FAM193A: variants seen among roughly 807,000 people sequenced by gnomAD.
FAM193A encodes family with sequence similarity 193 member A.
Under a neutral mutation model 126.5 loss-of-function variants are expected in FAM193A, and 22 were observed. That is an observed-to-expected ratio of 0.17 (90% CI 0.12 to 0.25). The LOEUF is 0.25. Ranked by LOEUF, FAM193A falls within the 10% of genes least tolerant of loss-of-function variation. FAM193A has a pLI of 1.00. For missense variants in FAM193A, 1,675 were observed against 1,672.8 expected (o/e 1.00, Z -0.02); for synonymous variants, 761 against 646.8 (o/e 1.18, Z -2.68).
At chr4:2,665,703 T>C (rs905705097) in intron 12 of FAM193A, among the ~76,000 whole-genome samples, 3 of 152,124 alleles carry the variant, frequency 2.0e-5, no homozygotes, top group African/African-American at 7.2e-5. Context: ...AAAAAAAAAC[T>C]TTCTGTAGAG....
chr4:2,711,007 T>A (rs79935321), intron 19 of FAM193A, among the ~76,000 whole-genome samples: 1,651 of 150,862 alleles, frequency 0.011, 14 homozygotes, highest in Middle Eastern at 0.021. Context: ...GCCCACCACC[T>A]CGCCCGGCTA....
At chr4:2,538,600 A>T (rs1299619914) in intron 1 of FAM193A, among the ~76,000 whole-genome samples, 3 of 129,760 alleles carry the variant, frequency 2.3e-5, no homozygotes, top group Non-Finnish European at 4.7e-5. Flanking sequence ...AACAGGCCGC[A>T]GTTCTTGGGA....
chr4:2,715,942 G>T, intron 19 of FAM193A, 81 bp from the exon 20 acceptor site: 1 of 855,478 alleles, frequency 1.2e-6, no homozygotes, highest in South Asian at 1.4e-5. Flanking sequence ...TTTAAATTGA[G>T]CGAAGACAAA....
intron 2 of FAM193A, among the ~76,000 whole-genome samples, chr4:2,619,475 T>C (rs1649321454): frequency 6.6e-6 from 1 of 152,006 alleles, no homozygotes; most frequent in Admixed American, 6.6e-5. Context: ...TTTTTGTATT[T>C]TTGTATTTTT....
intron 13 of FAM193A, among the ~76,000 whole-genome samples, chr4:2,683,822 G>A (rs1715431251): frequency 6.6e-6 from 1 of 152,144 alleles, no homozygotes; most frequent in African/African-American, 2.4e-5. Context: ...ACAGGTTTTG[G>A]ATGTTTTGTT....
intron 1 of FAM193A, among the ~76,000 whole-genome samples, chr4:2,584,651 G>A (rs1740133493): frequency 6.6e-6 from 1 of 152,120 alleles, no homozygotes; most frequent in Non-Finnish European, 1.5e-5. Context: ...AAATGGCAGG[G>A]TGCGGTGGCT....
intron 2 of FAM193A, among the ~76,000 whole-genome samples, chr4:2,607,106 G>C (rs1177481901): frequency 6.6e-6 from 1 of 152,184 alleles, no homozygotes. Context: ...GACTCTTCCT[G>C]GGGCGTGCCG....
At chr4:2,653,391 T>C (rs1402130049) in intron 7 of FAM193A, among the ~76,000 whole-genome samples, 3 of 152,206 alleles carry the variant, frequency 2.0e-5, no homozygotes, top group African/African-American at 7.2e-5. Flanking sequence ...GTTACATTGC[T>C]TTTACAAAGA....
chr4:2,699,441 C>CCG (rs1297401460), intron 18 of FAM193A, among the ~76,000 whole-genome samples: 1 of 83,822 alleles, frequency 1.2e-5, no homozygotes, highest in African/African-American at 4.2e-5. Context: ...CTACCACCCC[C>CCG]CCCCCCACAC....
intron 1 of FAM193A, among the ~76,000 whole-genome samples, chr4:2,549,645 C>T (rs1456040555): frequency 1.3e-5 from 2 of 151,966 alleles, no homozygotes; most frequent in Non-Finnish European, 2.9e-5. Context: ...ATCCGCCCGC[C>T]TCAGCCTCCC....
intron 13 of FAM193A, among the ~76,000 whole-genome samples, chr4:2,686,604 G>T (rs1489384082): frequency 6.6e-6 from 1 of 152,248 alleles, no homozygotes; most frequent in Admixed American, 6.5e-5. Flanking sequence ...ATAAGCAAGA[G>T]CTCTCTGAAC....
At chr4:2,642,619 T>G (rs2109036540) in intron 6 of FAM193A, among the ~76,000 whole-genome samples, 1 of 147,244 alleles carries the variant, frequency 6.8e-6, no homozygotes, top group East Asian at 2.0e-4. Flanking sequence ...AAAACAAGAT[T>G]CCAGGGAATC....
intron 1 of FAM193A, among the ~76,000 whole-genome samples, chr4:2,547,463 G>C (rs973332623): frequency 6.6e-6 from 1 of 152,004 alleles, no homozygotes; most frequent in Non-Finnish European, 1.5e-5. Context: ...TGTTGCCCAG[G>C]CTGGTGTCTA....
intron 20 of FAM193A, among the ~76,000 whole-genome samples, chr4:2,719,550 A>G (rs957581033): frequency 3.3e-5 from 5 of 152,066 alleles, no homozygotes; most frequent in Non-Finnish European, 7.4e-5. Context: ...GTTTGAGATC[A>G]GCCTGACCAA....
intron 2 of FAM193A, among the ~76,000 whole-genome samples, chr4:2,615,799 G>A (rs1251407644): frequency 6.6e-6 from 1 of 151,976 alleles, no homozygotes; most frequent in Non-Finnish European, 1.5e-5. Context: ...TTACAGGCAA[G>A]AGCCACCATG....
chr4:2,678,594 C>G (rs1320699856), intron 13 of FAM193A, among the ~76,000 whole-genome samples: 1 of 151,646 alleles, frequency 6.6e-6, no homozygotes, highest in East Asian at 1.9e-4. Flanking sequence ...AACTCCTGAC[C>G]TCAAGTGATC....
intron 3 of FAM193A, among the ~76,000 whole-genome samples, chr4:2,625,907 A>G (rs901012876): frequency 6.6e-6 from 1 of 151,986 alleles, no homozygotes; most frequent in Admixed American, 6.6e-5. Flanking sequence ...TATATTTTAT[A>G]GAGATGGGGC....
chr4:2,640,510 T>A (rs773012187), intron 6 of FAM193A, among the ~76,000 whole-genome samples: 5 of 152,214 alleles, frequency 3.3e-5, no homozygotes, highest in Non-Finnish European at 5.9e-5. Context: ...GATGTGACGT[T>A]ACTCAGCAGA....
At position 2,663,305 on chromosome 4, in the gene FAM193A, T is replaced by A. The variant is rs753371356; in HGVS notation, c.2079+17T>A. The A allele has an allele frequency of 6.5e-7, 1 of 1,539,108 alleles. No individual in the cohort carries two copies. Among genetic ancestry groups the A allele is most frequent in the Non-Finnish European group, 8.7e-7 (1 of 1,144,070 alleles). Reference sequence around the variant, plus strand: ...ACACAGCAGGTAGGACTTTGCTTGCTGTTTTGCCAAGGATCTCTTTTTCTG... The same window carrying A: ...ACACAGCAGGTAGGACTTTGCTTGCAGTTTTGCCAAGGATCTCTTTTTCTG... On this transcript the variant is annotated intron_variant, in intron 12 of 20. Transcript: ENST00000637812.
Sources: allele counts gnomAD v4.1 joint callset (sites outside exome capture counted in the v4.1 genomes callset), GRCh38; gene constraint gnomAD v4.1.1; transcripts MANE v1.5; gene names NCBI Gene and HGNC (gene_info 2026-07-23, HGNC 2026-07-21).